The following SGCZ variants were observed in gnomAD, a reference collection of about 807,000 sequenced individuals.
SGCZ encodes zeta-sarcoglycan.
In SGCZ, 40 loss-of-function variants were observed where a neutral mutation model predicts 41.3. The ratio of observed to expected loss-of-function variants is 0.97; its 90% CI spans 0.75 to 1.26. SGCZ has a LOEUF of 1.26. Among genes scored for constraint, SGCZ ranks in the 50% most tolerant of loss-of-function variants. SGCZ has a pLI of 0.00. For missense variants in SGCZ, 552 were observed against 369.8 expected (o/e 1.49, Z -4.04); for synonymous variants, 206 against 137.5 (o/e 1.50, Z -3.49).
chr8:14,488,794 C>T (rs1801755972), intron 2 of SGCZ, among the ~76,000 whole-genome samples: 1 of 151,004 alleles, frequency 6.6e-6, no homozygotes, highest in Non-Finnish European at 1.5e-5. Flanking sequence ...CTCTTTATTG[C>T]AATAATCTTG....
At chr8:14,307,551 G>C (rs937826088) in intron 3 of SGCZ, among the ~76,000 whole-genome samples, 1 of 152,058 alleles carries the variant, frequency 6.6e-6, no homozygotes, top group African/African-American at 2.4e-5. Flanking sequence ...GAAAGGGTCT[G>C]TAACTGAGGG....
At chr8:14,116,478 C>T (rs1488574848) in intron 5 of SGCZ, among the ~76,000 whole-genome samples, 1 of 152,028 alleles carries the variant, frequency 6.6e-6, no homozygotes, top group African/African-American at 2.4e-5. Context: ...AATTGTCATT[C>T]ATTTACTAAT....
intron 2 of SGCZ, among the ~76,000 whole-genome samples, chr8:14,367,586 G>A (rs1283612334): frequency 6.6e-6 from 1 of 152,040 alleles, no homozygotes; most frequent in Non-Finnish European, 1.5e-5. Context: ...TTATAATCAT[G>A]GCAGAAGGCG....
At chr8:14,557,344 A>G (rs1200203031) in intron 1 of SGCZ, among the ~76,000 whole-genome samples, 1 of 151,344 alleles carries the variant, frequency 6.6e-6, no homozygotes, top group East Asian at 2.0e-4. Flanking sequence ...TGTTGAATGT[A>G]TAGATTGTGA....
intron 4 of SGCZ, among the ~76,000 whole-genome samples, chr8:14,170,237 T>C (rs1049896325): frequency 1.3e-5 from 2 of 151,926 alleles, no homozygotes; most frequent in Non-Finnish European, 2.9e-5. Context: ...AAAGAAAAAA[T>C]ATGCTCTAGC....
At position 14,460,476 on chromosome 8, in the gene SGCZ, T is replaced by C. The variant is rs898796150; in HGVS notation, c.234+94256A>G. On this transcript the variant is annotated intron_variant, in intron 2 of 7. Transcript: ENST00000382080. ...GGTGTCAGTGCTCACTTGCAGGGTA[T>C]GGAAAGGCAGTGGGACGATTTGTGG... 3.3e-4 allele frequency among the ~76,000 whole-genome samples: 50 copies of C among 152,248 alleles called. 1 individual carries two copies. The highest frequency in any genetic ancestry group is 1.2e-3 in the African/African-American group (48 of 41,542).
In SGCZ at chr8:14,087,714, TAA is replaced by T. The variant is rs200896009; in HGVS notation, c.*2727_*2728del. Reference sequence around the variant, plus strand: ...TGCAATTAAGGGACCACTATATTTTTAAAAAAAAAAAAATGCTTTTTTGTGTT... The same window carrying T: ...TGCAATTAAGGGACCACTATATTTTTAAAAAAAAAAATGCTTTTTTGTGTT... On this transcript the variant is annotated 3_prime_UTR_variant, in exon 8 of 8. Transcript: ENST00000382080. 0.022 allele frequency among the ~76,000 whole-genome samples: 3,208 copies of T among 147,490 alleles called. 79 individuals carry two copies. The highest frequency in any genetic ancestry group is 0.057 in the African/African-American group (2,328 of 40,566).
At chr8:14,275,933 C>A (rs1702957272) in intron 3 of SGCZ, among the ~76,000 whole-genome samples, 1 of 152,202 alleles carries the variant, frequency 6.6e-6, no homozygotes, top group South Asian at 2.1e-4. Flanking sequence ...GAAAGCCAGA[C>A]CAATGTGTCA....
chr8:14,286,860 T>C (rs963855285), intron 3 of SGCZ, among the ~76,000 whole-genome samples: 4 of 152,088 alleles, frequency 2.6e-5, no homozygotes, highest in African/African-American at 7.2e-5. Flanking sequence ...TTAGTACTTT[T>C]TGAGTGCTGG....
intron 2 of SGCZ, among the ~76,000 whole-genome samples, chr8:14,459,159 T>C (rs1800830325): frequency 6.6e-6 from 1 of 151,904 alleles, no homozygotes; most frequent in Non-Finnish European, 1.5e-5. Context: ...CAGCAAACTA[T>C]CGAGAGGACA....
At chr8:15,190,446 C>T (rs1173128282) in intron 1 of SGCZ, among the ~76,000 whole-genome samples, 2 of 151,988 alleles carry the variant, frequency 1.3e-5, no homozygotes, top group East Asian at 3.9e-4. Flanking sequence ...CACTCTCAGC[C>T]CTCAAGTGAC....
At chr8:14,132,211 T>G (rs1010234534) in intron 5 of SGCZ, among the ~76,000 whole-genome samples, 1 of 152,188 alleles carries the variant, frequency 6.6e-6, no homozygotes, top group African/African-American at 2.4e-5. Context: ...ATTTTTTTCT[T>G]CTACCTGCTT....
chr8:14,170,793 C>T (rs1000597072), intron 4 of SGCZ, among the ~76,000 whole-genome samples: 9 of 151,482 alleles, frequency 5.9e-5, no homozygotes, highest in Non-Finnish European at 1.2e-4. Flanking sequence ...CTTTTTGACT[C>T]GTTAAGAAAA....
At chr8:14,683,214 G>T (rs1019427650) in intron 1 of SGCZ, among the ~76,000 whole-genome samples, 4 of 152,088 alleles carry the variant, frequency 2.6e-5, no homozygotes, top group Non-Finnish European at 5.9e-5. Flanking sequence ...TCAGGCAATA[G>T]ACTAATTTAT....
At chr8:14,764,396 G>C (rs182449889) in intron 1 of SGCZ, among the ~76,000 whole-genome samples, 8 of 152,262 alleles carry the variant, frequency 5.3e-5, no homozygotes, top group Non-Finnish European at 1.0e-4. Context: ...GAAACTAATG[G>C]TCAAGGTGTT....
chr8:14,877,831 TG>T (rs1265431459), intron 1 of SGCZ, among the ~76,000 whole-genome samples: 1 of 152,146 alleles, frequency 6.6e-6, no homozygotes, highest in Non-Finnish European at 1.5e-5. Context: ...CTGATCACTC[TG>T]GTTACTTACA....
chr8:14,295,220 A>C (rs1299707251), intron 3 of SGCZ, among the ~76,000 whole-genome samples: 1 of 152,196 alleles, frequency 6.6e-6, no homozygotes, highest in Non-Finnish European at 1.5e-5. Context: ...GAAACTCTTT[A>C]TAGTCAATCC....
chr8:14,260,762 C>T (rs1412676194), intron 3 of SGCZ, among the ~76,000 whole-genome samples: 4 of 152,188 alleles, frequency 2.6e-5, no homozygotes, highest in South Asian at 2.1e-4. Flanking sequence ...GAATACTATG[C>T]AGTCATAAAC....
At chr8:14,931,985 C>T (rs1263901854) in intron 1 of SGCZ, among the ~76,000 whole-genome samples, 1 of 151,880 alleles carries the variant, frequency 6.6e-6, no homozygotes, top group Non-Finnish European at 1.5e-5. Context: ...GTGAGTCCTG[C>T]ATCATATTTC....
Sources: allele counts gnomAD v4.1 joint callset (sites outside exome capture counted in the v4.1 genomes callset), GRCh38; gene constraint gnomAD v4.1.1; transcripts MANE v1.5; gene names NCBI Gene and HGNC (gene_info 2026-07-23, HGNC 2026-07-21).